Variants in PGAP3 observed in about 807,000 individuals in gnomAD.
PGAP3 encodes post-GPI attachment to proteins phospholipase 3, also known as GPI-specific phospholipase A2-like PGAP3.
In PGAP3, 31 loss-of-function variants were observed where a neutral mutation model predicts 40.3. The ratio of observed to expected loss-of-function variants is 0.77; its 90% confidence interval spans 0.58 to 1.04. The LOEUF (loss-of-function observed/expected upper bound fraction) is 1.04. Among genes scored for constraint, PGAP3 ranks in the 50% least tolerant of loss-of-function variants. PGAP3 has a pLI of 0.00. For missense variants in PGAP3, 413 were observed against 423.0 expected, an observed-to-expected ratio of 0.98 and a Z score of 0.21; for synonymous variants, 191 against 184.5, an observed-to-expected ratio of 1.04 and a Z score of -0.29.
chr17:39,682,853 C>T (rs1308995186), intron 3 of PGAP3, among the ~76,000 whole-genome samples: 5 of 151,984 alleles, frequency 3.3e-5, no homozygotes, highest in African/African-American at 4.8e-5. Flanking sequence ...GTGAGGTGGG[C>T]GGATCACGAG....
At chr17:39,685,332 A>T (rs1403107341) in intron 2 of PGAP3, among the ~76,000 whole-genome samples, 1 of 151,006 alleles carries the variant, frequency 6.6e-6, no homozygotes, top group African/African-American at 2.4e-5. Context: ...AAAAAAAAAA[A>T]ATACAAAAAA....
chr17:39,686,255 C>T (rs893381451), intron 1 of PGAP3, among the ~76,000 whole-genome samples: 3 of 151,826 alleles, frequency 2.0e-5, no homozygotes, highest in Non-Finnish European at 4.4e-5. Flanking sequence ...AGATATTCGT[C>T]TTTTTTTTGT....
At chr17:39,675,050 C>T (rs1976291) in intron 3 of PGAP3, among the ~76,000 whole-genome samples, 1 of 134,424 alleles carries the variant, frequency 7.4e-6, no homozygotes, top group Non-Finnish European at 1.7e-5. Flanking sequence ...ACCACCCCAC[C>T]CGGGCCCAGG....
intron 3 of PGAP3, among the ~76,000 whole-genome samples, chr17:39,675,263 C>T (rs1267647165): frequency 5.3e-5 from 8 of 151,956 alleles, no homozygotes; most frequent in Non-Finnish European, 8.8e-5. Context: ...TGGCTGCTCC[C>T]GAGCCTGGGA....
chr17:39,685,984 T>A lies in PGAP3; in HGVS notation c.217A>T (p.Met73Leu), dbSNP rs1277135233. Residue 73 changes from methionine (M) to leucine (L), a missense_variant, in exon 2 of 8, where the codon ATG becomes TTG. Met to Leu is a conservative substitution (Grantham distance 15). Transcript: ENST00000300658. ...AGGTAGAGCCCAACGGTGACCCACA[T>A]ACACTCATACTTACAGTCGTCCCGA... ...TCRDDCKYEC[M>L]WVTVGLYLQE... 1 of 1,613,276 alleles carries A rather than the reference T, an allele frequency of 6.2e-7. No individual in the cohort carries two copies. The highest frequency in any genetic ancestry group is 1.3e-5 in the African/African-American group (1 of 74,900).
Position 39,688,047 on chromosome 17 carries a change from C to G in PGAP3, c.-33G>C. On this transcript the variant is annotated 5_prime_UTR_variant, in exon 1 of 8. Coordinates refer to ENST00000300658, the MANE Select transcript of PGAP3 (RefSeq NM_033419.5). ...CCCTGGCTCGCCGCCGGGGGAGGAG[C>G]TTAGGAGTATGAAGCTTCCACTTCC... 1 of 1,344,082 alleles carries G rather than the reference C, an allele frequency of 7.4e-7. No homozygotes were observed. The highest frequency in any genetic ancestry group is 9.7e-7 in the Non-Finnish European group (1 of 1,034,616). The allele number at this position is 1,344,082 out of a possible 1,614,324, so 83.3% of individuals were successfully genotyped here. A position where few individuals can be genotyped will look rare whatever the true frequency, so the allele number is the denominator to read the frequency against.
chr17:39,673,913 G>T, intron 5 of PGAP3, 80 bp downstream of exon 5: 1 of 1,501,566 alleles, frequency 6.7e-7, no homozygotes, highest in South Asian at 1.2e-5. Context: ...TAGTGAAGAA[G>T]GCCCCCAGGG....
At chr17:39,682,815 A>G (rs1334891697) in intron 3 of PGAP3, among the ~76,000 whole-genome samples, 1 of 152,116 alleles carries the variant, frequency 6.6e-6, no homozygotes, top group Non-Finnish European at 1.5e-5. Context: ...ACGGTGGCTG[A>G]TGCCTGTAAT....
chr17:39,687,058 A>G (rs1343483111), intron 1 of PGAP3, among the ~76,000 whole-genome samples: 2 of 152,132 alleles, frequency 1.3e-5, no homozygotes, highest in African/African-American at 4.8e-5. Flanking sequence ...CTGAGTAAAT[A>G]AAGCTCCTGG....
chr17:39,687,781 A>C (rs1397367819), intron 1 of PGAP3, 53 bp downstream of exon 1: 1 of 1,232,020 alleles, frequency 8.1e-7, no homozygotes, highest in African/African-American at 1.9e-5. Context: ...TTGGGGGCGC[A>C]GGGGGCGGGA....
chr17:39,677,011 G>C (rs889315453), intron 3 of PGAP3, among the ~76,000 whole-genome samples: 1 of 152,158 alleles, frequency 6.6e-6, no homozygotes, highest in East Asian at 1.9e-4. Context: ...GCTCCAGGCT[G>C]GGGGAAGAGT....
chr17:39,677,338 T>C (rs116441137), intron 3 of PGAP3, among the ~76,000 whole-genome samples: 3,325 of 152,110 alleles, frequency 0.022, 120 homozygotes, highest in African/African-American at 0.075. Context: ...CAACTTCCCT[T>C]TCCGCAAGGG....
At chr17:39,679,342 A>G (rs1353435561) in intron 3 of PGAP3, among the ~76,000 whole-genome samples, 2 of 152,210 alleles carry the variant, frequency 1.3e-5, no homozygotes, top group African/African-American at 2.4e-5. Flanking sequence ...TGAGTTGCAG[A>G]TACCATTGAG....
At chr17:39,674,206 CATACAAGTTTTTAAAAA>C (rs1411890712) in intron 4 of PGAP3, 152 bp from the exon 5 acceptor site, 2 of 774,248 alleles carry the variant, frequency 2.6e-6, no homozygotes, top group African/African-American at 3.5e-5. Flanking sequence ...TTCACATCAC[CATACAAGTTTTTAAAAA>C]TGTGCCCAGG....
intron 3 of PGAP3, among the ~76,000 whole-genome samples, chr17:39,675,143 G>A (rs2057360556): frequency 1.3e-5 from 2 of 152,098 alleles, no homozygotes; most frequent in South Asian, 2.1e-4. Flanking sequence ...TGTGTTCCAA[G>A]CAGCAGGGGA....
chr17:39,674,510 C>T (rs2057350823), intron 4 of PGAP3, 107 bp downstream of exon 4: 1 of 1,241,590 alleles, frequency 8.1e-7, no homozygotes, highest in South Asian at 1.5e-5. Context: ...ATACTCCTCC[C>T]AGTGCTCCTC....
Position 39,683,033 on chromosome 17 carries a change from G to A in PGAP3, c.432+1564C>T, listed in dbSNP as rs143424539. 9.9e-3 allele frequency among the ~76,000 whole-genome samples: 1,504 copies of A among 152,114 alleles called. 24 individuals carry two copies. Among genetic ancestry groups the A allele is most frequent in the Non-Finnish European group, 0.015 (1,000 of 67,988 alleles). On this transcript the variant is annotated intron_variant, in intron 3 of 7. Transcript: ENST00000300658. ...AGAGGTTGCAGCGAGCCAAGATAGCGCCACTGCACTCCAGCTGGGGCAACA... is the reference window on the plus strand; with the variant it reads ...AGAGGTTGCAGCGAGCCAAGATAGCACCACTGCACTCCAGCTGGGGCAACA...
Position 39,684,614 on chromosome 17 carries a change from A to G in PGAP3, c.415T>C (p.Cys139Arg). The G allele has an allele frequency of 6.2e-7, 1 of 1,612,932 alleles. No homozygotes were observed. ...VPASSPMYHT[C>R]VAFAWVSLNA... Reference sequence around the variant, plus strand: ...TTACCTACCCAGGCGAAGGCCACACAGGTGTGGTACATGGGGGAGGAGGCT... The same window carrying G: ...TTACCTACCCAGGCGAAGGCCACACGGGTGTGGTACATGGGGGAGGAGGCT... Residue 139 changes from cysteine (C) to arginine (R), a missense_variant, in exon 3 of 8, where the codon TGT becomes CGT. Cys to Arg is a radical substitution (Grantham distance 180). Coordinates refer to ENST00000300658, the MANE Select transcript of PGAP3 (RefSeq NM_033419.5).
chr17:39,677,898 G>T (rs780702608), intron 3 of PGAP3, among the ~76,000 whole-genome samples: 56 of 152,224 alleles, frequency 3.7e-4, no homozygotes, highest in Non-Finnish European at 5.6e-4. Flanking sequence ...CACCATGGCG[G>T]TGGGGACAAG....
Sources: allele counts gnomAD v4.1 joint callset (sites outside exome capture counted in the v4.1 genomes callset), GRCh38; gene constraint gnomAD v4.1.1; transcripts MANE v1.5; gene names NCBI Gene and HGNC (gene_info 2026-07-23, HGNC 2026-07-21).